The following TMEM14A variants were observed in gnomAD, a reference collection of about 807,000 sequenced individuals.
TMEM14A encodes the protein transmembrane protein 14A.
In TMEM14A, 8 loss-of-function variants were observed where a neutral mutation model predicts 11.6. That is an observed-to-expected ratio of 0.69 (90% CI 0.40 to 1.24). TMEM14A has a LOEUF of 1.24. Ranked by LOEUF, TMEM14A falls within the 50% of genes most tolerant of loss-of-function variation. The pLI is 0.01. For missense variants in TMEM14A, 108 were observed against 121.9 expected (o/e 0.89, Z 0.54); for synonymous variants, 34 against 45.5 (o/e 0.75, Z 1.02).
intron 4 of TMEM14A, among the ~76,000 whole-genome samples, chr6:52,684,664 A>C (rs1245053440): frequency 6.6e-6 from 1 of 152,248 alleles, no homozygotes; most frequent in Non-Finnish European, 1.5e-5. Flanking sequence ...CAGTAATTCT[A>C]TCCATGAGAT....
At chr6:52,675,115 T>C (rs1769231780) in intron 1 of TMEM14A, among the ~76,000 whole-genome samples, 1 of 152,180 alleles carries the variant, frequency 6.6e-6, no homozygotes, top group Admixed American at 6.5e-5. Flanking sequence ...ACTCCTGACC[T>C]GAAGTGATCC....
intron 3 of TMEM14A, 58 bp from the exon 4 acceptor site, chr6:52,684,020 C>T (rs1769445237): frequency 2.6e-6 from 4 of 1,512,144 alleles, no homozygotes; most frequent in Non-Finnish European, 2.7e-6. Flanking sequence ...CCGCTGTTTT[C>T]CCACAAGCAT....
Position 52,677,152 on chromosome 6 carries a change from T to G in TMEM14A, c.50T>G (p.Ile17Ser). 9.9e-6 allele frequency: 16 copies of G among 1,614,206 alleles called. No homozygotes were observed. The highest frequency in any genetic ancestry group is 1.3e-5 in the Non-Finnish European group (15 of 1,180,032). ...GYAALVTFGS[I>S]FGYKRRGGVP... ...GCAGCCCTCGTGACATTTGGAAGCA[T>G]TTTTGGATATAAGCGGAGAGGTAAG... is the stretch of plus-strand genomic sequence containing the variant. Residue 17 changes from isoleucine (I) to serine (S), a missense_variant, in exon 2 of 5, where the codon ATT becomes AGT. Coordinates refer to ENST00000211314, the MANE Select transcript of TMEM14A (RefSeq NM_014051.4).
intron 1 of TMEM14A, among the ~76,000 whole-genome samples, chr6:52,676,121 A>G (rs1464648584): frequency 6.6e-6 from 1 of 152,214 alleles, no homozygotes; most frequent in East Asian, 1.9e-4. Flanking sequence ...GTAAGTGGAA[A>G]GAATTGAACA....
chr6:52,675,506 C>G (rs1336633736), intron 1 of TMEM14A, among the ~76,000 whole-genome samples: 1 of 152,216 alleles, frequency 6.6e-6, no homozygotes, highest in Non-Finnish European at 1.5e-5. Flanking sequence ...CATCTCTAGC[C>G]TGTGGCTGGC....
intron 3 of TMEM14A, among the ~76,000 whole-genome samples, chr6:52,682,596 GTTT>G (rs372691913): frequency 2.4e-5 from 2 of 85,018 alleles, no homozygotes; most frequent in Admixed American, 9.7e-5. Context: ...GAGATTTGGG[GTTT>G]TTTTTTTTTT....
chr6:52,677,048 T>C, intron 1 of TMEM14A, 39 bp from the exon 2 acceptor site: 1 of 1,601,630 alleles, frequency 6.2e-7, no homozygotes. Flanking sequence ...CCCAAAACTT[T>C]TTTATTTTGT....
chr6:52,683,550 A>G (rs1390697039), intron 3 of TMEM14A, among the ~76,000 whole-genome samples: 2 of 151,936 alleles, frequency 1.3e-5, no homozygotes, highest in African/African-American at 4.8e-5. Flanking sequence ...GGATTTTAAC[A>G]TGTTTGTTTA....
At chr6:52,680,712 T>TATGTATATATATATATATATAC (rs1769374693) in intron 2 of TMEM14A, among the ~76,000 whole-genome samples, 2 of 133,094 alleles carry the variant, frequency 1.5e-5, no homozygotes, top group Admixed American at 7.9e-5. Flanking sequence ...TATACACATA[T>TATGTATATATATATATATATAC]ATATATGGCA....
Position 52,677,147 on chromosome 6 carries a change from A to G in TMEM14A, c.45A>G (p.Gly15=). 2 of 1,614,222 alleles carry G rather than the reference A, an allele frequency of 1.2e-6. No individual in the cohort carries two copies. The highest frequency in any genetic ancestry group is 1.1e-5 in the South Asian group (1 of 91,078). ...GTTATGCAGCCCTCGTGACATTTGG[A>G]AGCATTTTTGGATATAAGCGGAGAG... is the stretch of plus-strand genomic sequence containing the variant. ...GFGYAALVTF[G]SIFGYKRRGG... is the part of the protein sequence containing the mutation. Residue 15 remains glycine (G), a synonymous_variant, in exon 2 of 5, where the codon GGA becomes GGG. Transcript: ENST00000211314.
intron 2 of TMEM14A, among the ~76,000 whole-genome samples, chr6:52,681,390 A>G (rs960454267): frequency 2.0e-5 from 3 of 152,198 alleles, no homozygotes; most frequent in Admixed American, 6.5e-5. Context: ...CTTTACCTCT[A>G]TAAACTAAAA....
At chr6:52,685,318 G>A (rs146649072) in intron 4 of TMEM14A, among the ~76,000 whole-genome samples, 6 of 152,300 alleles carry the variant, frequency 3.9e-5, no homozygotes, top group East Asian at 3.9e-4. Flanking sequence ...TATGGGCTGG[G>A]TGCGGTGGCT....
intron 4 of TMEM14A, among the ~76,000 whole-genome samples, chr6:52,685,602 G>A (rs6907304): frequency 0.6 from 89,497 of 150,084 alleles, 27,396 homozygotes; most frequent in East Asian, 0.78. Context: ...AAAAAAAAAA[G>A]GAAGAAAAAA....
At chr6:52,671,754 A>G (rs945802138) in intron 1 of TMEM14A, among the ~76,000 whole-genome samples, 8 of 152,156 alleles carry the variant, frequency 5.3e-5, no homozygotes, top group Non-Finnish European at 1.2e-4. Context: ...CTTGTTTTGT[A>G]CCTGGTATGG....
intron 4 of TMEM14A, among the ~76,000 whole-genome samples, chr6:52,684,717 A>G (rs952388898): frequency 6.6e-6 from 1 of 152,234 alleles, no homozygotes; most frequent in Non-Finnish European, 1.5e-5. Flanking sequence ...ACATTTTAAA[A>G]ATTTCTCCAG....
At chr6:52,674,026 A>C (rs1280892689) in intron 1 of TMEM14A, among the ~76,000 whole-genome samples, 1 of 152,220 alleles carries the variant, frequency 6.6e-6, no homozygotes. Context: ...TTACAGTATT[A>C]AATCATTTAA....
intron 2 of TMEM14A, among the ~76,000 whole-genome samples, chr6:52,680,689 A>ATATATATATATATATATG (rs1769366976): frequency 3.5e-5 from 2 of 56,968 alleles, no homozygotes; most frequent in African/African-American, 1.2e-4. Context: ...ATATACATAT[A>ATATATATATATATATATG]TGTATATATA....
intron 1 of TMEM14A, 37 bp from the exon 2 acceptor site, chr6:52,677,050 T>G: frequency 6.2e-7 from 1 of 1,602,900 alleles, no homozygotes; most frequent in Non-Finnish European, 8.5e-7. Flanking sequence ...CAAAACTTTT[T>G]TATTTTGTAT....
chr6:52,677,867 GC>G (rs899943926), intron 2 of TMEM14A, among the ~76,000 whole-genome samples: 49 of 152,224 alleles, frequency 3.2e-4, no homozygotes, highest in African/African-American at 1.1e-3. Context: ...GAGTGAAAAA[GC>G]CAGGTCTACA....
Sources: allele counts gnomAD v4.1 joint callset (sites outside exome capture counted in the v4.1 genomes callset), GRCh38; gene constraint gnomAD v4.1.1; transcripts MANE v1.5; gene names NCBI Gene and HGNC (gene_info 2026-07-23, HGNC 2026-07-21).